Variants in FAM13A observed in about 807,000 individuals in gnomAD.
FAM13A encodes the protein family with sequence similarity 13 member A, also known as protein FAM13A.
FAM13A carries 76 observed loss-of-function variants against 129.6 expected under a neutral mutation model. That is an observed-to-expected ratio of 0.59 (90% CI 0.49 to 0.71). The LOEUF is 0.71. FAM13A is among the 30% of genes least tolerant of loss of function. The pLI is 0.00. For synonymous variants in FAM13A, 443 were observed against 449.9 expected, an observed-to-expected ratio of 0.98 and a Z score of 0.20; for missense variants, 1,108 against 1,249.3, an observed-to-expected ratio of 0.89 and a Z score of 1.70.
At chr4:88,895,299 G>C (rs1746093165) in intron 6 of FAM13A, among the ~76,000 whole-genome samples, 1 of 152,076 alleles carries the variant, frequency 6.6e-6, no homozygotes, top group South Asian at 2.1e-4. Flanking sequence ...ATATGTTAAT[G>C]AAAGAAACAT....
intron 6 of FAM13A, among the ~76,000 whole-genome samples, chr4:88,864,861 C>T (rs1740108235): frequency 6.6e-6 from 1 of 152,162 alleles, no homozygotes; most frequent in South Asian, 2.1e-4. Flanking sequence ...AAGGTGGTAA[C>T]TACTAAGTCT....
chr4:88,970,337 T>C (rs1161229839), intron 4 of FAM13A, among the ~76,000 whole-genome samples: 2 of 151,990 alleles, frequency 1.3e-5, no homozygotes, highest in Non-Finnish European at 2.9e-5. Flanking sequence ...GTAGAGGAGA[T>C]GAGGCTATAC....
intron 7 of FAM13A, among the ~76,000 whole-genome samples, chr4:88,842,184 T>A (rs1258452223): frequency 6.6e-6 from 1 of 152,234 alleles, no homozygotes; most frequent in Admixed American, 6.5e-5. Flanking sequence ...TGATTCTATT[T>A]ATATAAAATG....
At chr4:89,042,947 ATGT>A (rs1356611966) in intron 1 of FAM13A, among the ~76,000 whole-genome samples, 1 of 152,234 alleles carries the variant, frequency 6.6e-6, no homozygotes, top group African/African-American at 2.4e-5. Flanking sequence ...TCCAATAAAA[ATGT>A]TGTGTTATCA....
chr4:88,916,017 A>G (rs1393546578), intron 5 of FAM13A, among the ~76,000 whole-genome samples: 2 of 152,174 alleles, frequency 1.3e-5, no homozygotes, highest in East Asian at 1.9e-4. Context: ...TGTGGGCCAA[A>G]GAAACCTCTT....
chr4:88,784,819 A>T (rs1455260463), intron 10 of FAM13A, among the ~76,000 whole-genome samples: 1 of 152,138 alleles, frequency 6.6e-6, no homozygotes, highest in Admixed American at 6.5e-5. Flanking sequence ...CCATATACCC[A>T]TTACCAAAAT....
chr4:88,770,681 AT>A (rs371766628), intron 11 of FAM13A, among the ~76,000 whole-genome samples: 45 of 150,910 alleles, frequency 3.0e-4, no homozygotes, highest in African/African-American at 8.5e-4. Context: ...TAGAAGATTG[AT>A]TTTTTTTTTC....
intron 7 of FAM13A, among the ~76,000 whole-genome samples, chr4:88,807,615 C>T (rs1447304141): frequency 6.6e-6 from 1 of 152,102 alleles, no homozygotes; most frequent in Non-Finnish European, 1.5e-5. Flanking sequence ...AAAATGCATT[C>T]GATGGCCAGT....
intron 6 of FAM13A, among the ~76,000 whole-genome samples, chr4:88,881,592 T>C (rs1375738357): frequency 6.6e-6 from 1 of 152,108 alleles, no homozygotes; most frequent in East Asian, 1.9e-4. Context: ...CAAGAGATCA[T>C]GCTAGCTCAC....
At chr4:88,740,563 C>A (rs910288558) in intron 19 of FAM13A, among the ~76,000 whole-genome samples, 12 of 152,206 alleles carry the variant, frequency 7.9e-5, no homozygotes, top group Non-Finnish European at 1.5e-4. Flanking sequence ...TTGTCTCCTG[C>A]ATTCTCTTAC....
intron 7 of FAM13A, among the ~76,000 whole-genome samples, chr4:88,843,793 G>A (rs1561142154): frequency 6.6e-6 from 1 of 152,150 alleles, no homozygotes; most frequent in Admixed American, 6.5e-5. Context: ...GAAATGTTAC[G>A]AGCCTTGTAA....
chr4:88,730,367 A>G (rs1360069504), intron 23 of FAM13A, among the ~76,000 whole-genome samples: 1 of 152,110 alleles, frequency 6.6e-6, no homozygotes, highest in Non-Finnish European at 1.5e-5. Context: ...GAGGCAGCCC[A>G]TCAACCAGGT....
intron 1 of FAM13A, among the ~76,000 whole-genome samples, chr4:89,038,034 A>T (rs1190358394): frequency 6.6e-6 from 1 of 152,212 alleles, no homozygotes; most frequent in African/African-American, 2.4e-5. Context: ...TAAGGTTTAG[A>T]GCCAGAACAT....
intron 4 of FAM13A, among the ~76,000 whole-genome samples, chr4:88,971,239 A>T (rs13115960): frequency 6.6e-6 from 1 of 152,128 alleles, no homozygotes; most frequent in African/African-American, 2.4e-5. Flanking sequence ...AAGAAAAGGC[A>T]CAAAAGTCAT....
At chr4:88,993,362 G>A (rs757526555) in intron 3 of FAM13A, among the ~76,000 whole-genome samples, 1 of 152,082 alleles carries the variant, frequency 6.6e-6, no homozygotes, top group Admixed American at 6.5e-5. Flanking sequence ...ATGTTTTCAT[G>A]GGTGTTTGCT....
chr4:88,744,330 G>A (rs1740846519), intron 19 of FAM13A, among the ~76,000 whole-genome samples: 1 of 152,170 alleles, frequency 6.6e-6, no homozygotes, highest in Non-Finnish European at 1.5e-5. Flanking sequence ...GTCTTTTGAT[G>A]AGAAGATTCT....
At chr4:88,747,580 CCA>C (rs1741628145) in intron 18 of FAM13A, 49 bp downstream of exon 18, 1 of 1,467,174 alleles carries the variant, frequency 6.8e-7, no homozygotes, top group Non-Finnish European at 9.5e-7. Context: ...TGTGTCTCTA[CCA>C]CATTGACTGC....
At chr4:89,044,814 C>G (rs1161683961) in intron 1 of FAM13A, among the ~76,000 whole-genome samples, 1 of 151,548 alleles carries the variant, frequency 6.6e-6, no homozygotes, top group South Asian at 2.1e-4. Context: ...GTGAATAAAC[C>G]AAACACAAAA....
intron 7 of FAM13A, among the ~76,000 whole-genome samples, chr4:88,838,827 T>C (rs1161631943): frequency 6.6e-6 from 1 of 152,254 alleles, no homozygotes; most frequent in East Asian, 1.9e-4. Context: ...CTGCAGCTAG[T>C]GTTTATTTCC....
Sources: allele counts gnomAD v4.1 joint callset (sites outside exome capture counted in the v4.1 genomes callset), GRCh38; gene constraint gnomAD v4.1.1; transcripts MANE v1.5; gene names NCBI Gene and HGNC (gene_info 2026-07-23, HGNC 2026-07-21).